The following DCAF8L2 variants were observed in gnomAD, a reference collection of about 807,000 sequenced individuals.
DCAF8L2 encodes the protein DDB1- and CUL4-associated factor 8-like protein 2.
For synonymous variants in DCAF8L2, 200 were observed against 190.9 expected, an observed-to-expected ratio of 1.05 and a Z score of -0.39; for missense variants, 430 against 490.7, an observed-to-expected ratio of 0.88 and a Z score of 1.17.
Position 27,747,784 on chromosome X carries a change from G to GT in DCAF8L2, c.890dup (p.Arg298ThrfsTer7). 1 of 1,209,633 alleles carries GT rather than the reference G, an allele frequency of 8.3e-7. No individual in the cohort carries two copies. Among genetic ancestry groups the GT allele is most frequent in the South Asian group, 1.8e-5 (1 of 56,639 alleles). ...GGCCATGTGTGCCCGTGATGGGCAGGTACGGGTAGCAGAGTTAATTAATGC... is the reference window on the plus strand; with the variant it reads ...GGCCATGTGTGCCCGTGATGGGCAGGTTACGGGTAGCAGAGTTAATTAATGC... On this transcript the variant is annotated frameshift_variant, in exon 5 of 5. Coordinates refer to ENST00000451261, the MANE Select transcript of DCAF8L2 (RefSeq NM_001353450.2). LOFTEE classifies it low-confidence loss of function (END_TRUNC).
chrX:27,509,878 A>T, the DCAF8L2 span, among the ~76,000 whole-genome samples: 120 of 111,987 alleles, frequency 1.1e-3, 1 homozygote, highest in African/African-American at 3.8e-3. Context: ...AGTCATAATA[A>T]TATCTATAAA....
intron 2 of DCAF8L2, among the ~76,000 whole-genome samples, chrX:27,671,513 T>C (rs1929952755): frequency 8.9e-6 from 1 of 112,025 alleles, no homozygotes; most frequent in African/African-American, 3.2e-5. Context: ...GGAAGCGCTC[T>C]TGAATACACA....
At chrX:27,531,065 G>A in the DCAF8L2 span, among the ~76,000 whole-genome samples, 9 of 111,835 alleles carry the variant, frequency 8.0e-5, no homozygotes, top group Non-Finnish European at 1.3e-4. Context: ...CTGACATGTA[G>A]TGGCTGATTC....
rs1351098372 is a variant in DCAF8L2, at chrX:27,748,928, G to A, written c.*137G>A. On this transcript the variant is annotated 3_prime_UTR_variant, in exon 5 of 5. Transcript: ENST00000451261. ...TTTTCCATAATATATGCTGAAAACC[G>A]TCTCTTCCATTCCTTCCTCTCTACT... 6.7e-6 allele frequency: 5 copies of A among 745,020 alleles called. No individual in the cohort carries two copies. Among genetic ancestry groups the A allele is most frequent in the South Asian group, 7.1e-5 (2 of 28,356 alleles). The allele number at this position is 745,020 out of a possible 1,213,427, so 61.4% of individuals were successfully genotyped here.
intron 3 of DCAF8L2, among the ~76,000 whole-genome samples, chrX:27,689,543 C>T (rs996650048): frequency 5.3e-5 from 6 of 112,907 alleles, no homozygotes; most frequent in African/African-American, 1.9e-4. Flanking sequence ...CCGCACCCAG[C>T]CCACCATAAG....
the DCAF8L2 span, among the ~76,000 whole-genome samples, chrX:27,527,798 C>T: frequency 3.7e-5 from 4 of 108,527 alleles, no homozygotes; most frequent in Admixed American, 2.0e-4. Flanking sequence ...ACTACAGGTG[C>T]CCACCACCAT....
At chrX:27,588,331 C>T (rs1925953232), upstream of DCAF8L2, among the ~76,000 whole-genome samples, 1 of 110,543 alleles carries the variant, frequency 9.0e-6, no homozygotes, top group Non-Finnish European at 1.9e-5. Flanking sequence ...GACACGATTT[C>T]TATCTTTTTT....
At chrX:27,477,245 A>T in the DCAF8L2 span, among the ~76,000 whole-genome samples, 17 of 112,267 alleles carry the variant, frequency 1.5e-4, no homozygotes, top group South Asian at 2.9e-3. Flanking sequence ...TCTAGGCAAA[A>T]TGGATAATAG....
intron 4 of DCAF8L2, among the ~76,000 whole-genome samples, chrX:27,718,066 C>T: frequency 8.9e-6 from 1 of 111,865 alleles, no homozygotes; most frequent in East Asian, 2.8e-4. Flanking sequence ...AAAACCAACA[C>T]ATATTAAGTG....
chrX:27,620,361 A>T (rs754119858), intron 1 of DCAF8L2, among the ~76,000 whole-genome samples: 1 of 112,172 alleles, frequency 8.9e-6, no homozygotes, highest in South Asian at 3.7e-4. Flanking sequence ...ACAAAAGAAT[A>T]AATAGACAAA....
chrX:27,609,814 G>C (rs1258478039), intron 1 of DCAF8L2, among the ~76,000 whole-genome samples: 2 of 111,339 alleles, frequency 1.8e-5, no homozygotes, highest in African/African-American at 6.5e-5. Context: ...TAGAATTCTG[G>C]CACCCCACAG....
the DCAF8L2 span, among the ~76,000 whole-genome samples, chrX:27,482,765 C>CAT: frequency 0.062 from 6,926 of 111,311 alleles, 523 homozygotes; most frequent in African/African-American, 0.21. Context: ...GATAAATTCA[C>CAT]GTCATTTTCA....
At chrX:27,503,365 C>T in the DCAF8L2 span, among the ~76,000 whole-genome samples, 4 of 111,288 alleles carry the variant, frequency 3.6e-5, no homozygotes, top group Admixed American at 2.9e-4. Context: ...TGTCTAAGAA[C>T]TCTTTGCCTA....
intron 2 of DCAF8L2, among the ~76,000 whole-genome samples, chrX:27,643,476 C>A (rs1462618995): frequency 1.8e-5 from 2 of 111,370 alleles, no homozygotes; most frequent in African/African-American, 6.5e-5. Flanking sequence ...TCGTAGTGGT[C>A]AGAAACCAAT....
the DCAF8L2 span, among the ~76,000 whole-genome samples, chrX:27,576,494 A>T: frequency 8.9e-6 from 1 of 112,251 alleles, no homozygotes; most frequent in African/African-American, 3.2e-5. Context: ...ATTAATACTA[A>T]GTCTTTAGTG....
At chrX:27,648,713 A>G (rs1929039060) in intron 2 of DCAF8L2, among the ~76,000 whole-genome samples, 1 of 111,096 alleles carries the variant, frequency 9.0e-6, no homozygotes, top group Non-Finnish European at 1.9e-5. Context: ...TACTGATGTT[A>G]CAAGTCTCAG....
the DCAF8L2 span, among the ~76,000 whole-genome samples, chrX:27,514,685 A>C: frequency 3.8e-3 from 248 of 65,139 alleles, 1 homozygote; most frequent in East Asian, 6.8e-3. Context: ...AAAAAAAAAA[A>C]AAAAAAAAAA....
chrX:27,598,564 T>C (rs1054321353), intron 1 of DCAF8L2, among the ~76,000 whole-genome samples: 35 of 112,502 alleles, frequency 3.1e-4, no homozygotes, highest in Non-Finnish European at 9.4e-5. Context: ...GTAAGACATA[T>C]GGTGTAACAA....
At chrX:27,514,240 T>TGC in the DCAF8L2 span, among the ~76,000 whole-genome samples, 2 of 75,309 alleles carry the variant, frequency 2.7e-5, no homozygotes, top group Non-Finnish European at 6.3e-5. Flanking sequence ...TGTGCATATG[T>TGC]ACACATATGT....
Sources: gnomAD v4.1 joint callset for allele counts (sites outside exome capture counted in the v4.1 genomes callset) on GRCh38, gnomAD v4.1.1 for gene constraint, MANE v1.5 for transcripts, NCBI Gene and HGNC (gene_info 2026-07-23, HGNC 2026-07-21) for gene names.